BAIAP2: variants seen among roughly 807,000 people sequenced by gnomAD.
The protein encoded by BAIAP2 is BAR/IMD domain containing adaptor protein 2.
Under a neutral mutation model 63.0 loss-of-function variants are expected in BAIAP2, and 18 were observed. The ratio of observed to expected loss-of-function variants is 0.29; its 90% CI spans 0.20 to 0.42. The LOEUF is 0.42. Ranked by LOEUF, BAIAP2 falls within the 10% of genes least tolerant of loss-of-function variation. The pLI, the probability that BAIAP2 is intolerant of heterozygous loss-of-function variation, is 1.00. For synonymous variants in BAIAP2, 386 were observed against 307.6 expected (o/e 1.25, Z -2.67); for missense variants, 610 against 734.3 (o/e 0.83, Z 1.96).
At chr17:81,062,307 A>AT (rs34176221) in intron 3 of BAIAP2, among the ~76,000 whole-genome samples, 11,914 of 148,246 alleles carry the variant, frequency 0.08, 576 homozygotes, top group Non-Finnish European at 0.11. Context: ...CAATGGACTG[A>AT]TTTTTTTTTT....
intron 1 of BAIAP2, among the ~76,000 whole-genome samples, chr17:81,049,474 A>T (rs1426140872): frequency 6.6e-6 from 1 of 151,374 alleles, no homozygotes; most frequent in African/African-American, 2.4e-5. Context: ...GGTTTTTTGC[A>T]CCTCTTGGTG....
intron 7 of BAIAP2, among the ~76,000 whole-genome samples, chr17:81,102,289 C>T (rs1428177611): frequency 1.3e-5 from 2 of 152,152 alleles, no homozygotes; most frequent in Non-Finnish European, 2.9e-5. Context: ...GGCTCGTGGC[C>T]GCTGTGTCAG....
At position 81,058,198 on chromosome 17, in the gene BAIAP2, G is replaced by T. The variant is rs371049331; in HGVS notation, c.217+231G>T. On this transcript the variant is annotated intron_variant, in intron 3 of 13. Transcript: ENST00000428708. Reference sequence around the variant, plus strand: ...GTGCAGCCTGGGGTGAGGACAGCAGGCAAACCCACGTTTAAAAGTGTTCCC... The same window carrying T: ...GTGCAGCCTGGGGTGAGGACAGCAGTCAAACCCACGTTTAAAAGTGTTCCC... Among the ~76,000 whole-genome samples the T allele has an allele frequency of 8.8e-4, 134 of 152,322 alleles. 1 individual carries two copies. In the South Asian group the frequency reaches 0.012, roughly 14 times the overall value.
chr17:81,035,319 C>CCCGGCGCCGAGCTGAG lies in BAIAP2; in HGVS notation c.54+14_54+29dup. ...GAAAATGTCTATAAGGTGAGCGCCC[C>CCCGGCGCCGAGCTGAG]CCGGCGCCGAGCTGAGCCCGCTCCG... On this transcript the variant is annotated intron_variant, in intron 1 of 13. Transcript: ENST00000428708. 1 of 1,429,882 alleles carries CCCGGCGCCGAGCTGAG rather than the reference C, an allele frequency of 7.0e-7. No individual in the cohort carries two copies. The highest frequency in any genetic ancestry group is 9.3e-7 in the Non-Finnish European group (1 of 1,078,070). 88.6% of individuals were successfully genotyped at this position (1,429,882 alleles called of 1,614,324 possible).
intron 13 of BAIAP2, chr17:81,110,062 C>T (rs2059719219): frequency 1.0e-6 from 1 of 985,380 alleles, no homozygotes; most frequent in Admixed American, 6.1e-5. Flanking sequence ...GGTATTGTCT[C>T]TTCCCACACT....
At chr17:81,038,680 A>G (rs1183355525) in intron 1 of BAIAP2, among the ~76,000 whole-genome samples, 1 of 152,234 alleles carries the variant, frequency 6.6e-6, no homozygotes, top group Admixed American at 6.5e-5. Flanking sequence ...GGCTGGCGCC[A>G]GGTGGTGGGC....
At chr17:81,092,761 G>C (rs1396696506) in intron 6 of BAIAP2, among the ~76,000 whole-genome samples, 1 of 152,160 alleles carries the variant, frequency 6.6e-6, no homozygotes, top group African/African-American at 2.4e-5. Flanking sequence ...CATTTGCTGG[G>C]CCAGGTGCTG....
At chr17:81,114,797 G>A (rs980169345) in intron 13 of BAIAP2, among the ~76,000 whole-genome samples, 1 of 152,140 alleles carries the variant, frequency 6.6e-6, no homozygotes, top group African/African-American at 2.4e-5. Context: ...CTCTTCCCGG[G>A]TAGCTGGACG....
chr17:81,039,162 T>C (rs531000887), intron 1 of BAIAP2, among the ~76,000 whole-genome samples: 1 of 152,336 alleles, frequency 6.6e-6, no homozygotes, highest in African/African-American at 2.4e-5. Context: ...CGCCAGCCTT[T>C]AGCAGGGGGC....
At position 81,085,671 on chromosome 17, in the gene BAIAP2, C is replaced by T. The variant is rs1348953659; in HGVS notation, c.297C>T (p.Asn99=). 4.3e-6 allele frequency: 7 copies of T among 1,613,868 alleles called. No individual in the cohort carries two copies. Among genetic ancestry groups the T allele is most frequent in the East Asian group, 4.5e-5 (2 of 44,890 alleles). The change falls in exon 5 of 14, where the codon AAC becomes AAT. Residue 99 remains asparagine, a synonymous_variant. Transcript: ENST00000428708. ...QLEEMLKSFH[N]ELLTQLEQKV... Reference sequence around the variant, plus strand: ...ATGTCCAGCTGAAGTCTTTTCACAACGAGCTGCTTACGCAGCTGGAGCAGA... The same window carrying T: ...ATGTCCAGCTGAAGTCTTTTCACAATGAGCTGCTTACGCAGCTGGAGCAGA...
chr17:81,111,045 G>A, intron 13 of BAIAP2: 1 of 1,540,880 alleles, frequency 6.5e-7, no homozygotes. Flanking sequence ...CAGCCTGGGT[G>A]GGGAGGGCCC....
intron 1 of BAIAP2, 188 bp from the exon 2 acceptor site, chr17:81,053,480 T>G: frequency 1.6e-6 from 1 of 632,254 alleles, no homozygotes; most frequent in Non-Finnish European, 2.8e-6. Context: ...CTCAGGAAGG[T>G]CATTTTCCCA....
Position 81,100,054 on chromosome 17 carries a change from A to G in BAIAP2, c.616A>G (p.Lys206Glu). 6.2e-7 allele frequency: 1 copy of G among 1,611,884 alleles called. No individual in the cohort carries two copies. The highest frequency in any genetic ancestry group is 8.5e-7 in the Non-Finnish European group (1 of 1,179,710). The change falls in exon 7 of 14, where the codon AAG becomes GAG. Residue 206 changes from lysine (K) to glutamate (E), a missense_variant. Physicochemically the swap from Lys to Glu is moderately conservative, Grantham distance 56. Transcript: ENST00000428708. The stretch of plus-strand genomic sequence containing the variant: ...GGTGGAGAAGCAGTGCGCCGTGGCC[A>G]AGAACTCCGCGGCCTACCACTCCAA... ...FLVEKQCAVAKNSAAYHSKGK... is the reference protein window; with the variant it reads ...FLVEKQCAVAENSAAYHSKGK...
intron 1 of BAIAP2, among the ~76,000 whole-genome samples, chr17:81,043,579 C>T (rs1334697302): frequency 2.6e-5 from 4 of 152,148 alleles, no homozygotes; most frequent in African/African-American, 7.2e-5. Context: ...TCCTGGCACC[C>T]GGGAGGCCCT....
At chr17:81,097,530 CGGCCGCGAGGCTGAGTCAGGCAGGGGA>C (rs1020951209) in intron 6 of BAIAP2, 9 of 152,244 alleles carry the variant, frequency 5.9e-5, no homozygotes, top group Non-Finnish European at 1.3e-4. Context: ...GTAGGCGGGG[CGGCCGCGAGGCTGAGTCAGGCAGGGGA>C]GGCCGCCCCC....
intron 3 of BAIAP2, among the ~76,000 whole-genome samples, chr17:81,080,393 C>T (rs531355562): frequency 5.9e-4 from 90 of 152,366 alleles, no homozygotes; most frequent in African/African-American, 2.1e-3. Context: ...GGCGGGCACA[C>T]GCCTGGTCTG....
intron 13 of BAIAP2, chr17:81,110,846 C>T: frequency 1.9e-6 from 3 of 1,598,772 alleles, no homozygotes; most frequent in South Asian, 1.1e-5. Flanking sequence ...CCGTGGTCCC[C>T]CCTCCTCTGC....
chr17:81,039,415 C>T (rs1264763100), intron 1 of BAIAP2, among the ~76,000 whole-genome samples: 2 of 152,196 alleles, frequency 1.3e-5, no homozygotes, highest in Admixed American at 6.5e-5. Flanking sequence ...CCTGCTGTGC[C>T]GTTGGTGGCT....
chr17:81,048,164 C>A (rs943362839), intron 1 of BAIAP2, among the ~76,000 whole-genome samples: 1 of 152,080 alleles, frequency 6.6e-6, no homozygotes, highest in East Asian at 1.9e-4. Context: ...GCGGGCGGAT[C>A]GCTTGAGGTC....
Sources: gnomAD v4.1 joint callset for allele counts (sites outside exome capture counted in the v4.1 genomes callset) on GRCh38, gnomAD v4.1.1 for gene constraint, MANE v1.5 for transcripts, NCBI Gene and HGNC (gene_info 2026-07-23, HGNC 2026-07-21) for gene names.